Variants in KALRN observed in about 807,000 individuals in gnomAD.
KALRN encodes kalirin RhoGEF kinase.
KALRN carries 70 observed loss-of-function variants against 353.7 expected under a neutral mutation model. The ratio of observed to expected loss-of-function variants is 0.20; its 90% CI spans 0.16 to 0.24. KALRN has a LOEUF of 0.24. Ranked by LOEUF, KALRN falls within the 10% of genes least tolerant of loss-of-function variation. The pLI is 1.00. For missense variants in KALRN, 2,791 were observed against 3,756.7 expected (o/e 0.74, Z 6.72); for synonymous variants, 1,391 against 1,434.8 (o/e 0.97, Z 0.69).
chr3:124,222,687 G>A (rs1204333527), intron 1 of KALRN, among the ~76,000 whole-genome samples: 2 of 152,022 alleles, frequency 1.3e-5, no homozygotes, highest in Non-Finnish European at 2.9e-5. Flanking sequence ...CTGCAGCCTC[G>A]ACCTCCCTGG....
chr3:124,681,171 G>A (rs148447012), intron 51 of KALRN, among the ~76,000 whole-genome samples: 5 of 152,290 alleles, frequency 3.3e-5, no homozygotes, highest in African/African-American at 7.2e-5. Flanking sequence ...GAAGAAATGG[G>A]CACAGAGGGA....
At chr3:124,041,702 T>C (rs1311631228) in intron 1 of KALRN, among the ~76,000 whole-genome samples, 1 of 152,234 alleles carries the variant, frequency 6.6e-6, no homozygotes, top group East Asian at 1.9e-4. Context: ...AGGTCCTTCC[T>C]GCCTTTTCTC....
Position 124,492,727 on chromosome 3 carries a change from T to G in KALRN, c.4690-13T>G. ...AGTTGGGGTTCTCAGTCTTTCTCCCTGTGGCACTCTAGGCCTCCAACATTG... is the reference window on the plus strand; with the variant it reads ...AGTTGGGGTTCTCAGTCTTTCTCCCGGTGGCACTCTAGGCCTCCAACATTG... On this transcript the variant is annotated splice_polypyrimidine_tract_variant and intron_variant, in intron 31 of 59. Coordinates refer to ENST00000682506, the MANE Select transcript of KALRN (RefSeq NM_001388419.1). 1 of 1,613,430 alleles carries G rather than the reference T, an allele frequency of 6.2e-7. No homozygotes were observed. The highest frequency in any genetic ancestry group is 2.2e-5 in the East Asian group (1 of 44,878).
intron 1 of KALRN, among the ~76,000 whole-genome samples, chr3:124,224,054 T>C (rs1032595083): frequency 2.6e-5 from 4 of 152,168 alleles, no homozygotes; most frequent in African/African-American, 9.6e-5. Flanking sequence ...TGGGGTGGGA[T>C]TAGCACTGAA....
At chr3:124,131,575 G>A (rs2065280399) in intron 1 of KALRN, among the ~76,000 whole-genome samples, 1 of 152,190 alleles carries the variant, frequency 6.6e-6, no homozygotes, top group African/African-American at 2.4e-5. Context: ...CAAAGACAAT[G>A]CTGTGACTTT....
chr3:124,145,659 C>T (rs1233477954), intron 1 of KALRN, among the ~76,000 whole-genome samples: 2 of 152,234 alleles, frequency 1.3e-5, no homozygotes, highest in Non-Finnish European at 2.9e-5. Flanking sequence ...TAGAGAGACA[C>T]AGAGATGAGG....
At chr3:124,164,000 G>C (rs1419107355) in intron 1 of KALRN, 15 of 985,194 alleles carry the variant, frequency 1.5e-5, no homozygotes, top group Non-Finnish European at 1.8e-5. Context: ...AAGAAGCATT[G>C]TGTTTTGGAT....
intron 33 of KALRN, among the ~76,000 whole-genome samples, chr3:124,500,966 C>A (rs2064452772): frequency 9.4e-6 from 1 of 106,878 alleles, no homozygotes; most frequent in East Asian, 2.8e-4. Context: ...CTTGTTTAAC[C>A]TGATGGATAT....
At chr3:124,331,275 A>G (rs964788835) in intron 8 of KALRN, among the ~76,000 whole-genome samples, 3 of 152,240 alleles carry the variant, frequency 2.0e-5, no homozygotes, top group Non-Finnish European at 4.4e-5. Flanking sequence ...CTACTCAGCC[A>G]TAAAAAGGAA....
intron 45 of KALRN, among the ~76,000 whole-genome samples, chr3:124,663,814 C>T (rs1005450026): frequency 6.6e-6 from 1 of 152,096 alleles, no homozygotes; most frequent in Non-Finnish European, 1.5e-5. Flanking sequence ...GACTCATACT[C>T]ATACCACTGT....
intron 34 of KALRN, among the ~76,000 whole-genome samples, chr3:124,587,578 T>C (rs925281767): frequency 2.0e-5 from 3 of 152,200 alleles, no homozygotes; most frequent in Non-Finnish European, 4.4e-5. Flanking sequence ...AAAGTACCTG[T>C]GTGGTCTTTA....
chr3:124,171,456 G>A (rs367668057), intron 1 of KALRN, among the ~76,000 whole-genome samples: 49 of 152,298 alleles, frequency 3.2e-4, no homozygotes, highest in African/African-American at 8.9e-4. Flanking sequence ...GTTTCTTTAC[G>A]TGATGGCAGA....
chr3:124,442,051 A>G lies in KALRN; in HGVS notation c.3305A>G (p.Gln1102Arg). ...AGCCACACTCGGGGACCCGAGCAAC[A>G]AGTGAAAGGTCAGTGAGAGACCTGC... Reference protein sequence around the residue: ...VASHTRGPEQQVKAILSELLQ... With the variant: ...VASHTRGPEQRVKAILSELLQ... The change falls in exon 19 of 60, where the codon CAA becomes CGA. Residue 1102 changes from glutamine (Q) to arginine (R), a missense_variant. Physicochemically the swap from Gln to Arg is conservative, Grantham distance 43. This residue lies in a region of KALRN where 268 missense variants were observed against 347.0 expected (regional missense o/e 0.77). Coordinates refer to ENST00000682506, the MANE Select transcript of KALRN (RefSeq NM_001388419.1). 6.3e-7 allele frequency: 1 copy of G among 1,596,872 alleles called. No individual in the cohort carries two copies. The highest frequency in any genetic ancestry group is 8.6e-7 in the Non-Finnish European group (1 of 1,167,862).
intron 34 of KALRN, among the ~76,000 whole-genome samples, chr3:124,625,783 T>C (rs1370869676): frequency 1.3e-5 from 2 of 152,146 alleles, no homozygotes; most frequent in Non-Finnish European, 2.9e-5. Context: ...AGAATATTAT[T>C]CAACAATTAA....
intron 1 of KALRN, among the ~76,000 whole-genome samples, chr3:124,106,958 A>T (rs995010710): frequency 6.6e-6 from 1 of 152,198 alleles, no homozygotes; most frequent in Non-Finnish European, 1.5e-5. Flanking sequence ...GCAGGATTGC[A>T]TTTCTCTATC....
chr3:124,680,214 G>C (rs1294436339), intron 51 of KALRN, among the ~76,000 whole-genome samples: 1 of 152,254 alleles, frequency 6.6e-6, no homozygotes, highest in African/African-American at 2.4e-5. Context: ...TGGTGAGATG[G>C]AAACACTGCC....
chr3:124,202,621 G>C (rs2076054674), intron 1 of KALRN, among the ~76,000 whole-genome samples: 1 of 151,818 alleles, frequency 6.6e-6, no homozygotes. Context: ...CCTCCTCCTG[G>C]TCTCTTTTCC....
intron 1 of KALRN, among the ~76,000 whole-genome samples, chr3:124,118,059 C>T (rs915634525): frequency 3.9e-5 from 6 of 152,174 alleles, no homozygotes; most frequent in Non-Finnish European, 5.9e-5. Context: ...TCCATCTTGC[C>T]TCCTCTTAGG....
chr3:124,684,473 A>G (rs188223241), intron 51 of KALRN, among the ~76,000 whole-genome samples: 5 of 152,310 alleles, frequency 3.3e-5, no homozygotes, highest in African/African-American at 1.2e-4. Context: ...GCAGTATCAC[A>G]TGGAAAACTG....
Sources: gnomAD v4.1 joint callset for allele counts (sites outside exome capture counted in the v4.1 genomes callset) on GRCh38, gnomAD v4.1.1 for gene constraint, gnomAD v4.1.1 regional missense constraint, MANE v1.5 for transcripts, NCBI Gene and HGNC (gene_info 2026-07-23, HGNC 2026-07-21) for gene names.